Variants in DYDC1 observed in about 807,000 individuals in gnomAD.
DYDC1 encodes the protein DPY30 domain-containing protein 1.
A neutral mutation model predicts 27.9 loss-of-function variants in DYDC1; 21 were observed. That is an observed-to-expected ratio of 0.75 (90% CI 0.53 to 1.08). DYDC1 has a LOEUF of 1.08. Among genes scored for constraint, DYDC1 ranks in the 50% least tolerant of loss-of-function variants. The pLI, the probability that DYDC1 is intolerant of heterozygous loss-of-function variation, is 0.00. For missense variants in DYDC1, 202 were observed against 205.9 expected, an observed-to-expected ratio of 0.98 and a Z score of 0.12; for synonymous variants, 67 against 65.8, an observed-to-expected ratio of 1.02 and a Z score of -0.09.
chr10:80,347,298 TTTTTTTTGCTATTGAG>T (rs1842720125), intron 3 of DYDC1, among the ~76,000 whole-genome samples: 1 of 91,498 alleles, frequency 1.1e-5, no homozygotes, highest in Non-Finnish European at 2.3e-5. Context: ...TTTTTTTTTT[TTTTTTTTGCTATTGAG>T]TTTGCATTCC....
At position 80,336,195 on chromosome 10, in the gene DYDC1, A is replaced by G. The variant is rs926814894; in HGVS notation, c.505-10T>C. On this transcript the variant is annotated splice_polypyrimidine_tract_variant and intron_variant, in intron 6 of 6. Transcript: ENST00000372202. ...CAATGTTTAATGCAATCTAAAAGCA[A>G]AACAAAAAGTAAATATTCCTTAATA... 23 of 1,575,486 alleles carry G rather than the reference A, an allele frequency of 1.5e-5. No homozygotes were observed. The highest frequency in any genetic ancestry group is 2.0e-5 in the Non-Finnish European group (23 of 1,164,410).
chr10:80,351,170 TG>T (rs1255387437), intron 3 of DYDC1, among the ~76,000 whole-genome samples: 3 of 152,224 alleles, frequency 2.0e-5, no homozygotes, highest in Non-Finnish European at 2.9e-5. Context: ...CAAGTGAACA[TG>T]GTGCCTACTT....
At chr10:80,344,801 C>T in intron 3 of DYDC1, 1 of 283,200 alleles carries the variant, frequency 3.5e-6, no homozygotes, top group South Asian at 3.7e-5. Context: ...GAGACCTCCC[C>T]AGCAATGTGG....
In DYDC1 at chr10:80,344,860, C is replaced by G. The variant is rs552046359; in HGVS notation, c.250-2499G>C. The G allele has an allele frequency of 1.7e-5, 3 of 173,838 alleles. No individual in the cohort carries two copies. In the South Asian group the frequency reaches 3.7e-4, roughly 21 times the overall value. 10.8% of individuals were successfully genotyped at this position (173,838 alleles called of 1,614,324 possible). On this transcript the variant is annotated intron_variant, in intron 3 of 6. Transcript: ENST00000372202. The stretch of plus-strand genomic sequence containing the variant: ...TTTTTCTTCCCAGTGTTGGGTATGT[C>G]TTTATCAGCTGCTTGAAAATGGACT...
intron 4 of DYDC1, among the ~76,000 whole-genome samples, chr10:80,341,975 G>A (rs1589500342): frequency 6.7e-6 from 1 of 149,550 alleles, no homozygotes; most frequent in African/African-American, 2.5e-5. Context: ...AGTGAACCGA[G>A]ATTGTGCCAT....
At chr10:80,344,525 T>G (rs1006532917) in intron 3 of DYDC1, among the ~76,000 whole-genome samples, 2 of 152,236 alleles carry the variant, frequency 1.3e-5, no homozygotes, top group African/African-American at 4.8e-5. Context: ...ACCAAACCTC[T>G]ATGAATAGTC....
At chr10:80,352,705 C>A in intron 1 of DYDC1, 95 bp from the exon 2 acceptor site, 1 of 1,381,066 alleles carries the variant, frequency 7.2e-7, no homozygotes, top group Non-Finnish European at 9.4e-7. Context: ...CTTACATACA[C>A]CCTGCCCTCA....
In DYDC1 at chr10:80,348,777, A is replaced by G. The variant is rs555158312; in HGVS notation, c.249+3124T>C. On this transcript the variant is annotated intron_variant, in intron 3 of 6. Coordinates refer to ENST00000372202, the MANE Select transcript of DYDC1 (RefSeq NM_001269053.2). ...TAGAAATACCTTCTAAGGAATGAAT[A>G]TGCTTAATTTAAATTATACACACAT... Among the ~76,000 whole-genome samples, 62 of 152,378 alleles carry G rather than the reference A, an allele frequency of 4.1e-4. 1 individual carries two copies. The Middle Eastern group carries it at 0.01, about 25-fold the overall frequency.
rs138233724 is a variant in DYDC1, at chr10:80,340,871, T to C, written c.342+1398A>G. Among the ~76,000 whole-genome samples, 158 of 152,346 alleles carry C rather than the reference T, an allele frequency of 1.0e-3. 1 individual carries two copies. The highest frequency in any genetic ancestry group is 3.5e-3 in the African/African-American group (145 of 41,574). Reference sequence around the variant, plus strand: ...AAGGGGCTGCTTGTGTATGTGTGCATACAGGCATATCCCTGTGCTCACACT... The same window carrying C: ...AAGGGGCTGCTTGTGTATGTGTGCACACAGGCATATCCCTGTGCTCACACT... On this transcript the variant is annotated intron_variant, in intron 4 of 6. Transcript: ENST00000372202.
At chr10:80,348,876 C>T (rs534404057) in intron 3 of DYDC1, among the ~76,000 whole-genome samples, 2 of 152,128 alleles carry the variant, frequency 1.3e-5, no homozygotes, top group Non-Finnish European at 2.9e-5. Flanking sequence ...AACCTCATTA[C>T]AGATCAGCAT....
intron 4 of DYDC1, among the ~76,000 whole-genome samples, chr10:80,341,779 C>G (rs1478995763): frequency 1.3e-5 from 2 of 152,274 alleles, no homozygotes; most frequent in East Asian, 3.9e-4. Context: ...AATCCCAGCA[C>G]TTTGGGAGGC....
At chr10:80,338,056 A>G in intron 6 of DYDC1, 3 of 983,182 alleles carry the variant, frequency 3.1e-6, no homozygotes, top group Non-Finnish European at 3.6e-6. Flanking sequence ...CATATGGAAG[A>G]TGTGGCATGT....
intron 1 of DYDC1, among the ~76,000 whole-genome samples, chr10:80,353,706 C>T (rs1050131848): frequency 6.6e-6 from 1 of 151,682 alleles, no homozygotes; most frequent in Non-Finnish European, 1.5e-5. Context: ...CTGAACTGTG[C>T]ACTTACTCTG....
At chr10:80,339,822 G>A (rs541461923) in intron 4 of DYDC1, among the ~76,000 whole-genome samples, 2 of 152,270 alleles carry the variant, frequency 1.3e-5, no homozygotes, top group South Asian at 4.1e-4. Context: ...TCACCCTAAT[G>A]ATAGGGACAT....
At chr10:80,351,835 G>A (rs546436305) in intron 3 of DYDC1, 66 bp downstream of exon 3, 7 of 1,437,564 alleles carry the variant, frequency 4.9e-6, no homozygotes, top group Non-Finnish European at 6.8e-6. Context: ...TCAACATTTA[G>A]GCTGTGCCAT....
intron 6 of DYDC1, chr10:80,337,442 T>C: frequency 1.0e-6 from 1 of 985,350 alleles, no homozygotes; most frequent in Non-Finnish European, 1.2e-6. Context: ...TCTTGTCCCC[T>C]AGATTACTAC....
intron 6 of DYDC1, 148 bp from the exon 7 acceptor site, chr10:80,336,333 A>T (rs1842135057): frequency 7.3e-7 from 1 of 1,363,556 alleles, no homozygotes; most frequent in Non-Finnish European, 9.4e-7. Flanking sequence ...TGATACTCAA[A>T]TTGAATATAA....
chr10:80,355,055 G>C (rs1468779031), intron 1 of DYDC1, among the ~76,000 whole-genome samples: 1 of 149,494 alleles, frequency 6.7e-6, no homozygotes, highest in East Asian at 2.0e-4. Flanking sequence ...TAAAAAAAAA[G>C]CTTCTTTGGG....
intron 3 of DYDC1, among the ~76,000 whole-genome samples, chr10:80,342,967 T>A (rs1476519468): frequency 9.9e-6 from 1 of 101,158 alleles, no homozygotes; most frequent in East Asian, 3.1e-4. Context: ...GGCAACAGAG[T>A]AAGACTCCCT....
Sources: gnomAD v4.1 joint callset for allele counts (sites outside exome capture counted in the v4.1 genomes callset) on GRCh38, gnomAD v4.1.1 for gene constraint, MANE v1.5 for transcripts, NCBI Gene and HGNC (gene_info 2026-07-23, HGNC 2026-07-21) for gene names.